Variants in NBEA observed in about 807,000 individuals in gnomAD.
NBEA encodes the protein neurobeachin.
Under a neutral mutation model 343.4 loss-of-function variants are expected in NBEA, and 44 were observed. The observed-to-expected ratio is 0.13, with a 90% CI of 0.10 to 0.16. The LOEUF (loss-of-function observed/expected upper bound fraction) is 0.16. Ranked by LOEUF, NBEA falls within the 10% of genes least tolerant of loss-of-function variation. The probability of loss-of-function intolerance (pLI) is 1.00; values close to 1 mark genes in which losing one functional copy is unlikely to be tolerated. For missense variants in NBEA, 2,555 were observed against 3,631.3 expected (o/e 0.70, Z 7.62); for synonymous variants, 1,175 against 1,238.7 (o/e 0.95, Z 1.08).
intron 36 of NBEA, among the ~76,000 whole-genome samples, chr13:35,316,071 C>T (rs1341783440): frequency 2.1e-5 from 3 of 145,102 alleles, no homozygotes; most frequent in African/African-American, 5.0e-5. Context: ...TAAAATCTGA[C>T]CTATGCCAGG....
intron 41 of NBEA, among the ~76,000 whole-genome samples, chr13:35,499,547 C>A (rs1340134691): frequency 1.3e-5 from 2 of 152,012 alleles, no homozygotes; most frequent in Non-Finnish European, 2.9e-5. Flanking sequence ...CACATTCAAG[C>A]CATTTTTTGT....
intron 41 of NBEA, chr13:35,476,283 CAG>C (rs2075860763): frequency 7.4e-7 from 1 of 1,356,934 alleles, no homozygotes; most frequent in Non-Finnish European, 1.0e-6. Context: ...GGAAGTGCTG[CAG>C]CGTTGGTTTC....
In NBEA at chr13:35,159,018, C is replaced by T. The variant is rs377632016; in HGVS notation, c.2847C>T (p.Val949=). The T allele has an allele frequency of 4.2e-5, 67 of 1,578,126 alleles. No homozygotes were observed. In the Middle Eastern group the frequency reaches 6.8e-4, roughly 16 times the overall value. ...TGTTTTCTTTACTTATTCCTAAGGTCACTTATGAAGCTCATAAGGAATACC... is the reference window on the plus strand; with the variant it reads ...TGTTTTCTTTACTTATTCCTAAGGTTACTTATGAAGCTCATAAGGAATACC... The part of the protein sequence containing the change: ...VDTLSIAHSK[V]TYEAHKEYLA... Residue 949 remains valine (V), a splice_region_variant and synonymous_variant, in exon 22 of 59, where the codon GTC becomes GTT. Coordinates refer to ENST00000379939, the MANE Select transcript of NBEA (RefSeq NM_001385012.1).
chr13:35,618,244 C>T (rs982306597), intron 48 of NBEA, among the ~76,000 whole-genome samples: 1 of 151,992 alleles, frequency 6.6e-6, no homozygotes, highest in Non-Finnish European at 1.5e-5. Flanking sequence ...ATGAGTATTC[C>T]CTCCTTCTTT....
At chr13:35,513,412 A>G (rs1231427739) in intron 41 of NBEA, among the ~76,000 whole-genome samples, 4 of 150,324 alleles carry the variant, frequency 2.7e-5, no homozygotes, top group Middle Eastern at 3.4e-3. Flanking sequence ...CAGCCTCTCA[A>G]AGTGCTAGGA....
At chr13:35,119,560 T>TA (rs1409002801) in intron 16 of NBEA, among the ~76,000 whole-genome samples, 1 of 152,136 alleles carries the variant, frequency 6.6e-6, no homozygotes, top group Admixed American at 6.5e-5. Context: ...ATTATACATT[T>TA]AGTGATTAAC....
At chr13:35,561,911 C>G (rs1023471395) in intron 44 of NBEA, among the ~76,000 whole-genome samples, 1 of 151,898 alleles carries the variant, frequency 6.6e-6, no homozygotes, top group Non-Finnish European at 1.5e-5. Context: ...TTGTTTTATT[C>G]TATTTATAAA....
At chr13:35,649,876 A>G (rs1273080140) in intron 52 of NBEA, 29 bp downstream of exon 52, 13 of 1,597,070 alleles carry the variant, frequency 8.1e-6, no homozygotes, top group Admixed American at 5.3e-5. Flanking sequence ...ATCACTTACT[A>G]AAGATTTCTT....
chr13:35,310,686 C>T (rs1358016432), intron 36 of NBEA, among the ~76,000 whole-genome samples: 3 of 152,142 alleles, frequency 2.0e-5, no homozygotes, highest in Non-Finnish European at 4.4e-5. Context: ...GACCTGCAAA[C>T]TTTACAACTT....
At chr13:35,015,028 C>T (rs2061602568) in intron 1 of NBEA, among the ~76,000 whole-genome samples, 1 of 149,740 alleles carries the variant, frequency 6.7e-6, no homozygotes, top group Non-Finnish European at 1.5e-5. Flanking sequence ...CCTCCTCTTG[C>T]CTCTGATCCA....
At chr13:34,944,240 T>C (rs1385669750) in intron 1 of NBEA, among the ~76,000 whole-genome samples, 2 of 152,208 alleles carry the variant, frequency 1.3e-5, no homozygotes, top group African/African-American at 4.8e-5. Context: ...ACAATATGCT[T>C]ACAGGGGTAC....
intron 48 of NBEA, among the ~76,000 whole-genome samples, chr13:35,610,314 G>A (rs2082448316): frequency 6.6e-6 from 1 of 152,074 alleles, no homozygotes; most frequent in Non-Finnish European, 1.5e-5. Context: ...GATCGTTTGA[G>A]CCTAGGAGGT....
At chr13:35,118,325 T>G (rs1440123839) in intron 15 of NBEA, 35 bp downstream of exon 15, 2 of 1,566,514 alleles carry the variant, frequency 1.3e-6, no homozygotes, top group South Asian at 2.4e-5. Flanking sequence ...TTTTAATTAT[T>G]TAAGCCAATC....
At chr13:35,497,179 A>G (rs547394519) in intron 41 of NBEA, among the ~76,000 whole-genome samples, 2 of 152,096 alleles carry the variant, frequency 1.3e-5, no homozygotes, top group Non-Finnish European at 2.9e-5. Flanking sequence ...TTGCCACTTA[A>G]AGTGATTCAC....
At chr13:35,176,873 ATAAATGT>A (rs2070939336) in intron 27 of NBEA, 116 bp from the exon 28 acceptor site, 2 of 624,078 alleles carry the variant, frequency 3.2e-6, no homozygotes, top group African/African-American at 3.7e-5. Flanking sequence ...ATTATGATCA[ATAAATGT>A]TAACTCAGAG....
intron 8 of NBEA, among the ~76,000 whole-genome samples, chr13:35,063,310 G>T (rs1249826350): frequency 6.6e-6 from 1 of 151,948 alleles, no homozygotes; most frequent in Non-Finnish European, 1.5e-5. Flanking sequence ...CATGGGAGAA[G>T]ATAGATTACA....
intron 17 of NBEA, among the ~76,000 whole-genome samples, chr13:35,138,460 T>A (rs569694929): frequency 0.018 from 2,194 of 121,566 alleles, 59 homozygotes; most frequent in African/African-American, 0.06. Flanking sequence ...ATTATGCTAC[T>A]TTTTTTTTTT....
chr13:35,291,856 A>C (rs1202327050), intron 35 of NBEA, among the ~76,000 whole-genome samples: 1 of 151,948 alleles, frequency 6.6e-6, no homozygotes, highest in African/African-American at 2.4e-5. Flanking sequence ...AGGAAGAGTG[A>C]GAAATTTAAG....
rs2322668 is a variant in NBEA at position 35,544,488 on chromosome 13, G to C, written c.6586-5989G>C. On this transcript the variant is annotated intron_variant, in intron 41 of 58. Transcript: ENST00000379939. Reference sequence around the variant, plus strand: ...CTGACAACATATACATGTCCGATACGCATGAGTGCACAGCAGCCTTGTATT... The same window carrying C: ...CTGACAACATATACATGTCCGATACCCATGAGTGCACAGCAGCCTTGTATT... Among the ~76,000 whole-genome samples, 24 of 152,108 alleles carry C rather than the reference G, an allele frequency of 1.6e-4. 1 individual carries two copies. Among genetic ancestry groups the C allele is most frequent in the African/African-American group, 5.5e-4 (23 of 41,480 alleles).
Sources: gnomAD v4.1 joint callset for allele counts (sites outside exome capture counted in the v4.1 genomes callset) on GRCh38, gnomAD v4.1.1 for gene constraint, MANE v1.5 for transcripts, NCBI Gene and HGNC (gene_info 2026-07-23, HGNC 2026-07-21) for gene names.